The following ARHGAP44 variants were observed in gnomAD, a reference collection of about 807,000 sequenced individuals.
ARHGAP44 encodes the protein Rho GTPase activating protein 44.
In ARHGAP44, 43 loss-of-function variants were observed where a neutral mutation model predicts 106.8. That is an observed-to-expected ratio of 0.40 (90% confidence interval 0.32 to 0.52). The LOEUF is 0.52. ARHGAP44 is among the 20% of genes least tolerant of loss of function. The pLI, the probability that ARHGAP44 is intolerant of heterozygous loss-of-function variation, is 0.48. For synonymous variants in ARHGAP44, 439 were observed against 410.3 expected (o/e 1.07, Z -0.85); for missense variants, 866 against 1,050.5 (o/e 0.82, Z 2.43).
chr17:12,871,355 T>A (rs747449218), intron 1 of ARHGAP44, among the ~76,000 whole-genome samples: 8 of 152,198 alleles, frequency 5.3e-5, no homozygotes, highest in Admixed American at 2.6e-4. Context: ...ATTCTCGCAC[T>A]GCTGTAAAGA....
intron 1 of ARHGAP44, among the ~76,000 whole-genome samples, chr17:12,824,668 A>G (rs1481050714): frequency 2.0e-5 from 3 of 152,060 alleles, no homozygotes; most frequent in Non-Finnish European, 4.4e-5. Context: ...CCAGGATAAT[A>G]ATTATTTTCG....
At chr17:12,951,276 C>T (rs1368646649) in intron 12 of ARHGAP44, among the ~76,000 whole-genome samples, 2 of 152,102 alleles carry the variant, frequency 1.3e-5, no homozygotes, top group East Asian at 1.9e-4. Flanking sequence ...TGCTGTTTCT[C>T]CTATTTTACA....
chr17:12,970,365 C>CAAAAAAAAAAAAAAAA (rs66577680), intron 16 of ARHGAP44, among the ~76,000 whole-genome samples: 1 of 55,192 alleles, frequency 1.8e-5, no homozygotes. Flanking sequence ...GACCCTGTCT[C>CAAAAAAAAAAAAAAAA]AAAAAAAAAA....
chr17:12,875,129 G>A (rs556247515), intron 1 of ARHGAP44, among the ~76,000 whole-genome samples: 1 of 152,176 alleles, frequency 6.6e-6, no homozygotes, highest in Non-Finnish European at 1.5e-5. Context: ...AACACAGATT[G>A]CTTGACCCCA....
chr17:12,944,300 C>G (rs905630351), intron 10 of ARHGAP44, 104 bp downstream of exon 10: 1 of 1,398,212 alleles, frequency 7.2e-7, no homozygotes, highest in African/African-American at 1.4e-5. Context: ...CCGGCCCCCA[C>G]GAATCCAAAT....
At chr17:12,852,913 A>AT (rs1293343146) in intron 1 of ARHGAP44, among the ~76,000 whole-genome samples, 1 of 152,122 alleles carries the variant, frequency 6.6e-6, no homozygotes, top group Non-Finnish European at 1.5e-5. Context: ...GGTCAGGTGG[A>AT]TTTTTTAAAG....
chr17:12,843,878 A>G lies in ARHGAP44; in HGVS notation c.54-51062A>G, dbSNP rs138024359. On this transcript the variant is annotated intron_variant, in intron 1 of 20. Coordinates refer to ENST00000379672, the MANE Select transcript of ARHGAP44 (RefSeq NM_014859.6). ...CACCGTGTTGGCCAGGATGCTCTCA[A>G]TCTCTTGACCTCAAGTGATCCACCC... Among the ~76,000 whole-genome samples the G allele has an allele frequency of 7.2e-3, 1,096 of 151,480 alleles. 8 individuals are homozygous for G. The highest frequency in any genetic ancestry group is 0.01 in the Non-Finnish European group (701 of 67,902).
intron 7 of ARHGAP44, among the ~76,000 whole-genome samples, chr17:12,930,953 G>T (rs2038380885): frequency 2.0e-5 from 3 of 152,178 alleles, no homozygotes; most frequent in Admixed American, 2.0e-4. Context: ...ACAGTTATAA[G>T]GATAAGGAAG....
chr17:12,906,059 C>G (rs2037536385), intron 3 of ARHGAP44, among the ~76,000 whole-genome samples: 1 of 152,176 alleles, frequency 6.6e-6, no homozygotes, highest in South Asian at 2.1e-4. Context: ...AATAGCATCT[C>G]CCATGCTGTG....
chr17:12,827,442 A>C (rs2034953517), intron 1 of ARHGAP44, among the ~76,000 whole-genome samples: 1 of 152,308 alleles, frequency 6.6e-6, no homozygotes, highest in South Asian at 2.1e-4. Flanking sequence ...AATCCAAAAT[A>C]AAATATTAGC....
chr17:12,943,695 G>A, intron 9 of ARHGAP44, 26 bp downstream of exon 9: 1 of 1,610,086 alleles, frequency 6.2e-7, no homozygotes, highest in Non-Finnish European at 8.5e-7. Context: ...CCCTGGAGAA[G>A]GGAGGGCCGG....
chr17:12,988,953 C>G (rs1202170515), intron 20 of ARHGAP44: 2 of 144,656 alleles, frequency 1.4e-5, no homozygotes, highest in Admixed American at 1.4e-4. Flanking sequence ...AAAAATTAGC[C>G]GGGCATGGTG....
chr17:12,829,197 G>A (rs918632779), intron 1 of ARHGAP44, among the ~76,000 whole-genome samples: 7 of 152,046 alleles, frequency 4.6e-5, no homozygotes, highest in African/African-American at 7.2e-5. Context: ...AACCTTAACT[G>A]TGTTCCTATA....
At chr17:12,907,325 A>T (rs893278519) in intron 3 of ARHGAP44, among the ~76,000 whole-genome samples, 1 of 152,190 alleles carries the variant, frequency 6.6e-6, no homozygotes, top group African/African-American at 2.4e-5. Flanking sequence ...CTCCTATCAC[A>T]GCTTGTCTCT....
At chr17:12,975,232 G>A (rs915135318) in intron 18 of ARHGAP44, among the ~76,000 whole-genome samples, 6 of 152,108 alleles carry the variant, frequency 3.9e-5, no homozygotes, top group Admixed American at 3.3e-4. Context: ...GTAAAACCAC[G>A]GATAAGGGGG....
At chr17:12,961,657 CT>C (rs1471444421) in intron 16 of ARHGAP44, among the ~76,000 whole-genome samples, 2 of 152,092 alleles carry the variant, frequency 1.3e-5, no homozygotes, top group African/African-American at 4.8e-5. Context: ...TTGCTTGAAC[CT>C]GGGAGGTGGA....
chr17:12,827,912 G>A (rs1229488719), intron 1 of ARHGAP44, among the ~76,000 whole-genome samples: 3 of 151,324 alleles, frequency 2.0e-5, no homozygotes, highest in African/African-American at 4.9e-5. Flanking sequence ...GGTGGTGCAC[G>A]CCTGTAGTCC....
Position 12,934,633 on chromosome 17 carries a change from A to G in ARHGAP44, c.582+5587A>G, listed in dbSNP as rs541593763. Reference sequence around the variant, plus strand: ...CTTCCACTGGTGTGGATTTTTCTGAAACACCAGTGGAAGGATAGGAATAAA... The same window carrying G: ...CTTCCACTGGTGTGGATTTTTCTGAGACACCAGTGGAAGGATAGGAATAAA... On this transcript the variant is annotated intron_variant, in intron 7 of 20. Coordinates refer to ENST00000379672, the MANE Select transcript of ARHGAP44 (RefSeq NM_014859.6). Among the ~76,000 whole-genome samples, 6 of 152,318 alleles carry G rather than the reference A, an allele frequency of 3.9e-5. No homozygotes were observed. In the South Asian group the frequency reaches 1.2e-3, roughly 32 times the overall value.
At chr17:12,835,901 C>A (rs954355253) in intron 1 of ARHGAP44, among the ~76,000 whole-genome samples, 2 of 152,126 alleles carry the variant, frequency 1.3e-5, no homozygotes, top group Non-Finnish European at 2.9e-5. Flanking sequence ...CAATATTTGC[C>A]TTTTTGTGTC....
Sources: allele counts gnomAD v4.1 joint callset (sites outside exome capture counted in the v4.1 genomes callset), GRCh38; gene constraint gnomAD v4.1.1; transcripts MANE v1.5; gene names NCBI Gene and HGNC (gene_info 2026-07-23, HGNC 2026-07-21).